Variants in ACSS3 observed in about 807,000 individuals in gnomAD.
The protein encoded by ACSS3 is acyl-CoA synthetase short chain family member 3, also known as acyl-CoA synthetase short-chain family member 3, mitochondrial.
A neutral mutation model predicts 84.2 loss-of-function variants in ACSS3; 64 were observed. That is an observed-to-expected ratio of 0.76 (90% CI 0.62 to 0.94). The LOEUF (loss-of-function observed/expected upper bound fraction) is 0.94. ACSS3 is among the 40% of genes least tolerant of loss of function. The probability of loss-of-function intolerance (pLI) is 0.00; values close to 1 mark genes in which losing one functional copy is unlikely to be tolerated. For synonymous variants in ACSS3, 317 were observed against 310.1 expected, an observed-to-expected ratio of 1.02 and a Z score of -0.23; for missense variants, 815 against 867.6, an observed-to-expected ratio of 0.94 and a Z score of 0.76.
At chr12:81,171,153 G>A (rs2030014142) in intron 7 of ACSS3, among the ~76,000 whole-genome samples, 1 of 151,956 alleles carries the variant, frequency 6.6e-6, no homozygotes, top group Non-Finnish European at 1.5e-5. Context: ...ACCTTATCCG[G>A]CTTATTCACA....
intron 7 of ACSS3, among the ~76,000 whole-genome samples, chr12:81,153,845 T>A (rs958030652): frequency 6.6e-6 from 1 of 152,248 alleles, no homozygotes; most frequent in South Asian, 2.1e-4. Flanking sequence ...TTGTGTTCTT[T>A]CATTTTTAGC....
intron 8 of ACSS3, among the ~76,000 whole-genome samples, chr12:81,189,172 AT>A (rs1422792288): frequency 6.6e-6 from 1 of 152,102 alleles, no homozygotes; most frequent in African/African-American, 2.4e-5. Flanking sequence ...TTTGACTCTT[AT>A]GCAGTTGCAG....
At chr12:81,135,556 C>A (rs1885756594) in intron 3 of ACSS3, among the ~76,000 whole-genome samples, 1 of 151,144 alleles carries the variant, frequency 6.6e-6, no homozygotes, top group Admixed American at 6.6e-5. Context: ...AACTGGAGAT[C>A]ATTAGCTTAA....
At chr12:81,197,277 C>T (rs1269374014) in intron 8 of ACSS3, among the ~76,000 whole-genome samples, 2 of 152,092 alleles carry the variant, frequency 1.3e-5, no homozygotes, top group East Asian at 1.9e-4. Context: ...ATTTTTCAAT[C>T]GCTGTTTAAA....
At position 81,092,205 on chromosome 12, in the gene ACSS3, G is replaced by T. The variant is rs573075489; in HGVS notation, c.311+13774G>T. On this transcript the variant is annotated intron_variant, in intron 1 of 15. Transcript: ENST00000548058. The stretch of plus-strand genomic sequence containing the variant: ...AATGCATTTGTTTCTTCTTTATTTT[G>T]TTCATTCATCCAATATTTACTGAAT... Among the ~76,000 whole-genome samples the T allele has an allele frequency of 2.0e-5, 3 of 151,484 alleles. No individual in the cohort carries two copies. In the South Asian group the frequency reaches 6.3e-4, roughly 32 times the overall value.
chr12:81,231,612 T>C (rs1011739143), intron 12 of ACSS3, among the ~76,000 whole-genome samples: 18 of 151,884 alleles, frequency 1.2e-4, no homozygotes, highest in African/African-American at 3.9e-4. Context: ...ACACCATTTT[T>C]TGAATGTTCT....
At chr12:81,244,247 AG>A (rs1364450034) in intron 13 of ACSS3, among the ~76,000 whole-genome samples, 13 of 151,994 alleles carry the variant, frequency 8.6e-5, no homozygotes, top group African/African-American at 2.7e-4. Flanking sequence ...GCTTCTCTAT[AG>A]GTAAGGTGTT....
intron 1 of ACSS3, among the ~76,000 whole-genome samples, chr12:81,089,264 G>A (rs898874610): frequency 1.3e-5 from 2 of 151,616 alleles, no homozygotes; most frequent in African/African-American, 2.4e-5. Flanking sequence ...TTTTAAATAC[G>A]TTGATGTGTA....
At chr12:81,213,957 C>CTTTCTTTCTTTCTTTCTT (rs1165408959) in intron 9 of ACSS3, among the ~76,000 whole-genome samples, 20 of 49,140 alleles carry the variant, frequency 4.1e-4, no homozygotes, top group Admixed American at 5.8e-4. Flanking sequence ...CTCCCTCTCT[C>CTTTCTTTCTTTCTTTCTT]TCTTTCTTTC....
intron 8 of ACSS3, among the ~76,000 whole-genome samples, chr12:81,181,747 C>CAAAAAAAAAAAAAAAAAAAA (rs59878486): frequency 4.2e-5 from 2 of 47,918 alleles, no homozygotes; most frequent in African/African-American, 9.8e-5. Flanking sequence ...ATCAATTAAG[C>CAAAAAAAAAAAAAAAAAAAA]AAAAAAAAAA....
At chr12:81,091,699 A>G (rs1201492447) in intron 1 of ACSS3, among the ~76,000 whole-genome samples, 2 of 152,072 alleles carry the variant, frequency 1.3e-5, no homozygotes, top group Admixed American at 1.3e-4. Flanking sequence ...CAAAGACAGT[A>G]TTTGATGGAA....
intron 8 of ACSS3, among the ~76,000 whole-genome samples, chr12:81,189,788 A>C (rs1210339755): frequency 6.6e-6 from 1 of 152,052 alleles, no homozygotes; most frequent in African/African-American, 2.4e-5. Flanking sequence ...ATTTTCTAGA[A>C]ATTTTATTGT....
At chr12:81,173,958 T>C (rs979382631) in intron 7 of ACSS3, among the ~76,000 whole-genome samples, 1 of 143,344 alleles carries the variant, frequency 7.0e-6, no homozygotes, top group African/African-American at 2.5e-5. Flanking sequence ...TATATATATA[T>C]CCAAGACATT....
chr12:81,191,005 G>T (rs2031542519), intron 8 of ACSS3, among the ~76,000 whole-genome samples: 1 of 151,664 alleles, frequency 6.6e-6, no homozygotes, highest in Non-Finnish European at 1.5e-5. Flanking sequence ...ACATTTTGTT[G>T]AAGATTTTTT....
chr12:81,118,313 G>A (rs1394148625), intron 2 of ACSS3, among the ~76,000 whole-genome samples: 1 of 152,236 alleles, frequency 6.6e-6, no homozygotes, highest in Non-Finnish European at 1.5e-5. Context: ...AGCTTGGCAT[G>A]ACCCAAGATT....
chr12:81,132,472 A>T (rs1005305883), intron 2 of ACSS3, among the ~76,000 whole-genome samples: 2 of 151,808 alleles, frequency 1.3e-5, no homozygotes, highest in Non-Finnish European at 2.9e-5. Flanking sequence ...ATCGGTGGTG[A>T]TATCCCCTTT....
At chr12:81,177,635 C>T (rs1263908481) in intron 8 of ACSS3, among the ~76,000 whole-genome samples, 1 of 152,088 alleles carries the variant, frequency 6.6e-6, no homozygotes, top group Non-Finnish European at 1.5e-5. Context: ...CCAACAACCC[C>T]ATCAAAAAGT....
At chr12:81,142,567 A>G (rs755310591) in intron 4 of ACSS3, among the ~76,000 whole-genome samples, 4 of 152,216 alleles carry the variant, frequency 2.6e-5, no homozygotes, top group Non-Finnish European at 5.9e-5. Flanking sequence ...TTAGTCTTCA[A>G]AAAGGAATAG....
intron 5 of ACSS3, among the ~76,000 whole-genome samples, chr12:81,145,670 G>A (rs1886306143): frequency 1.3e-5 from 2 of 152,150 alleles, no homozygotes; most frequent in South Asian, 4.1e-4. Context: ...AACATATGAG[G>A]GTGCTTTTGA....
Sources: gnomAD v4.1 joint callset for allele counts (sites outside exome capture counted in the v4.1 genomes callset) on GRCh38, gnomAD v4.1.1 for gene constraint, MANE v1.5 for transcripts, NCBI Gene and HGNC (gene_info 2026-07-23, HGNC 2026-07-21) for gene names.